Variants in PDK2 observed in about 807,000 individuals in gnomAD.
PDK2 encodes pyruvate dehydrogenase kinase, isozyme 2.
A neutral mutation model predicts 50.4 loss-of-function variants in PDK2; 34 were observed. That is an observed-to-expected ratio of 0.68 (90% CI 0.51 to 0.90). The LOEUF (loss-of-function observed/expected upper bound fraction) is 0.90. PDK2 is among the 40% of genes least tolerant of loss of function. PDK2 has a pLI of 0.00. For synonymous variants in PDK2, 232 were observed against 216.0 expected, an observed-to-expected ratio of 1.07 and a Z score of -0.65; for missense variants, 377 against 544.5, an observed-to-expected ratio of 0.69 and a Z score of 3.06.
chr17:50,109,496 C>G lies in PDK2; in HGVS notation c.1083+96C>G, dbSNP rs140605026. ...CTGCGAGCTTTCCTTTCCATCCCCC[C>G]AGTCCTTCCCTGGCCCCAGACTCTG... On this transcript the variant is annotated intron_variant, in intron 10 of 10. Coordinates refer to ENST00000503176, the MANE Select transcript of PDK2 (RefSeq NM_002611.5). This position sits in a 1 kb window ranked among gnomAD's most constrained non-coding sequence, Gnocchi z 5.0. 30 of 665,588 alleles carry G rather than the reference C, an allele frequency of 4.5e-5. No homozygotes were observed. The highest frequency in any genetic ancestry group is 3.3e-4 in the African/African-American group (18 of 54,598). 41.2% of individuals were successfully genotyped at this position (665,588 alleles called of 1,614,324 possible).
At position 50,097,580 on chromosome 17, in the gene PDK2, C is replaced by G; in HGVS notation, c.260+16C>G. 1 of 1,610,994 alleles carries G rather than the reference C, an allele frequency of 6.2e-7. No individual in the cohort carries two copies. Among genetic ancestry groups the G allele is most frequent in the Non-Finnish European group, 8.5e-7 (1 of 1,179,878 alleles). ...TGCAGAGCTGGTGAGACCCCTGGCT[C>G]AGTCCCTGCACCTCCCACTCCATCG... On this transcript the variant is annotated intron_variant, in intron 2 of 10. Transcript: ENST00000503176.
chr17:50,097,400 C>A, intron 1 of PDK2, 23 bp from the exon 2 acceptor site: 1 of 1,612,096 alleles, frequency 6.2e-7, no homozygotes. Context: ...GGCTCTGTGG[C>A]TCACCCCTCT....
Position 50,101,655 on chromosome 17 carries a change from T to C in PDK2, c.261-3716T>C, listed in dbSNP as rs1244104145. Among the ~76,000 whole-genome samples the C allele has an allele frequency of 6.6e-6, 1 of 152,114 alleles. No homozygotes were observed. The highest frequency in any genetic ancestry group is 2.4e-5 in the African/African-American group (1 of 41,410). ...TCCCCCGCTGGCTCAGCACCCCCTC[T>C]GCTCCCACACAGGGCTGCAGGGCCC... On this transcript the variant is annotated intron_variant, in intron 2 of 10. Transcript: ENST00000503176. The surrounding 1 kb of genome is among the most constrained non-coding windows in gnomAD (Gnocchi z 4.2).
intron 2 of PDK2, among the ~76,000 whole-genome samples, chr17:50,104,744 G>A (rs1910415317): frequency 1.3e-5 from 2 of 152,194 alleles, no homozygotes; most frequent in Admixed American, 1.3e-4. Flanking sequence ...ACAGAGCCAG[G>A]CACGCCCACC....
upstream of PDK2, chr17:50,095,272 G>A (rs1305362805): frequency 1.2e-5 from 7 of 567,786 alleles, no homozygotes; most frequent in Non-Finnish European, 2.2e-5. Flanking sequence ...TTTGTGAGTG[G>A]CCATTGGCGA....
intron 2 of PDK2, among the ~76,000 whole-genome samples, chr17:50,100,063 A>T (rs1211611003): frequency 6.6e-6 from 1 of 152,050 alleles, no homozygotes; most frequent in Non-Finnish European, 1.5e-5. Context: ...GCCTGAGAGG[A>T]GGGGGGAGAC....
At chr17:50,107,557 G>A (rs775753561) in intron 6 of PDK2, among the ~76,000 whole-genome samples, 28 of 152,154 alleles carry the variant, frequency 1.8e-4, no homozygotes, top group Non-Finnish European at 3.7e-4. Context: ...CTCCAGCCTG[G>A]GTGACAGAGC....
intron 9 of PDK2, 80 bp downstream of exon 9, chr17:50,108,799 C>T (rs1910659122): frequency 2.3e-6 from 2 of 879,718 alleles, no homozygotes. Context: ...TCCCTGCTCA[C>T]TCAGCTTCTG....
Position 50,101,353 on chromosome 17 carries a change from G to C in PDK2, c.260+3789G>C, listed in dbSNP as rs1306980301. On this transcript the variant is annotated intron_variant, in intron 2 of 10. Transcript: ENST00000503176. This position sits in a 1 kb window ranked among gnomAD's most constrained non-coding sequence, Gnocchi z 4.2. Reference sequence around the variant, plus strand: ...TTTTCTGTACACCCAGGCCCATGAGGTGCTTACTCCCATGAACCCCATTTT... The same window carrying C: ...TTTTCTGTACACCCAGGCCCATGAGCTGCTTACTCCCATGAACCCCATTTT... Among the ~76,000 whole-genome samples the C allele has an allele frequency of 6.6e-6, 1 of 152,128 alleles. No individual in the cohort carries two copies. Among genetic ancestry groups the C allele is most frequent in the Non-Finnish European group, 1.5e-5 (1 of 68,004 alleles).
In PDK2 at chr17:50,101,198, C is replaced by A. The variant is rs536624657; in HGVS notation, c.260+3634C>A. The A allele has an allele frequency of 6.6e-6, 1 of 152,252 alleles. No individual in the cohort carries two copies. The highest frequency in any genetic ancestry group is 2.4e-5 in the African/African-American group (1 of 41,532). The allele number at this position is 152,252 out of a possible 1,614,324, so 9.4% of individuals were successfully genotyped here. A position where few individuals can be genotyped will look rare whatever the true frequency, so the allele number is the denominator to read the frequency against. On this transcript the variant is annotated intron_variant, in intron 2 of 10. Coordinates refer to ENST00000503176, the MANE Select transcript of PDK2 (RefSeq NM_002611.5). The surrounding 1 kb of genome is among the most constrained non-coding windows in gnomAD (Gnocchi z 4.2). Reference sequence around the variant, plus strand: ...TTGCCCGTCAGCAAGGTGTGTGGACCCCATACAGGGGGTGTGGCTTGGGTG... The same window carrying A: ...TTGCCCGTCAGCAAGGTGTGTGGACACCATACAGGGGGTGTGGCTTGGGTG...
At position 50,095,428 on chromosome 17, in the gene PDK2, C is replaced by T. The variant is rs764809172; in HGVS notation, c.-8C>T. ...GGGACCACAACCAAAGTCGCGGCCG[C>T]CGCAGCCATGCGCTGGGTGTGGGCG... On this transcript the variant is annotated 5_prime_UTR_variant, in exon 1 of 11. Transcript: ENST00000503176. The T allele has an allele frequency of 1.4e-5, 22 of 1,592,588 alleles. No individual in the cohort carries two copies. Among genetic ancestry groups the T allele is most frequent in the Admixed American group, 3.5e-5 (2 of 57,320 alleles).
rs1053633737 is a variant in PDK2, at chr17:50,112,071, C to T, written c.*1974C>T. 4 of 152,256 alleles carry T rather than the reference C, an allele frequency of 2.6e-5. No individual in the cohort carries two copies. Among genetic ancestry groups the T allele is most frequent in the African/African-American group, 9.7e-5 (4 of 41,426 alleles). 9.4% of individuals were successfully genotyped at this position (152,256 alleles called of 1,614,324 possible). A position where few individuals can be genotyped will look rare whatever the true frequency, so the allele number is the denominator to read the frequency against. ...TCCCTATCAGTTCCTGTTTGCTCAGCTCCCAAAGAGGACTTAGGTGCCCTC... is the reference window on the plus strand; with the variant it reads ...TCCCTATCAGTTCCTGTTTGCTCAGTTCCCAAAGAGGACTTAGGTGCCCTC... On this transcript the variant is annotated 3_prime_UTR_variant, in exon 11 of 11. Coordinates refer to ENST00000503176, the MANE Select transcript of PDK2 (RefSeq NM_002611.5).
intron 2 of PDK2, among the ~76,000 whole-genome samples, chr17:50,097,989 C>T (rs1910035718): frequency 2.6e-5 from 4 of 152,188 alleles, no homozygotes. Flanking sequence ...ATAACCCAAG[C>T]TGCAAGACAG....
At position 50,109,890 on chromosome 17, in the gene PDK2, G is replaced by T; in HGVS notation, c.1084-67G>T. The T allele has an allele frequency of 2.1e-6, 3 of 1,407,756 alleles. No homozygotes were observed. The highest frequency in any genetic ancestry group is 2.8e-6 in the Non-Finnish European group (3 of 1,065,998). 87.2% of individuals were successfully genotyped at this position (1,407,756 alleles called of 1,614,324 possible). On this transcript the variant is annotated intron_variant, in intron 10 of 10. Coordinates refer to ENST00000503176, the MANE Select transcript of PDK2 (RefSeq NM_002611.5). This position sits in a 1 kb window ranked among gnomAD's most constrained non-coding sequence, Gnocchi z 5.0. ...AGCTGGGCTGCCGCTGAGCTGGGGT[G>T]GGGTGGTCTGCTGAGGAGTGGACAA...
intron 2 of PDK2, among the ~76,000 whole-genome samples, chr17:50,099,917 C>T (rs986849932): frequency 2.0e-5 from 3 of 152,234 alleles, no homozygotes; most frequent in African/African-American, 7.2e-5. Flanking sequence ...TTGGCTACAG[C>T]AAGAGAGACT....
At chr17:50,095,675 A>G in intron 1 of PDK2, 122 bp downstream of exon 1, 1 of 1,461,892 alleles carries the variant, frequency 6.8e-7, no homozygotes, top group Non-Finnish European at 9.1e-7. Context: ...TTGTTTGGAA[A>G]GGTACAGGCA....
chr17:50,106,089 G>A lies in PDK2; in HGVS notation c.517+20G>A. ...AGCACAGTGGGTGCCGGCCACAGCG[G>A]CGGGGAGCGGGCGGTGGGGGGGGCG... On this transcript the variant is annotated intron_variant, in intron 4 of 10. Transcript: ENST00000503176. 6.3e-7 allele frequency: 1 copy of A among 1,577,578 alleles called. No individual in the cohort carries two copies. Among genetic ancestry groups the A allele is most frequent in the South Asian group, 1.2e-5 (1 of 86,798 alleles).
intron 1 of PDK2, chr17:50,096,318 G>C: frequency 2.0e-6 from 2 of 985,238 alleles, no homozygotes; most frequent in Non-Finnish European, 2.4e-6. Context: ...CAACCTGGGG[G>C]TGGCCCTGGG....
chr17:50,102,979 C>G (rs557180517), intron 2 of PDK2, among the ~76,000 whole-genome samples: 152 of 152,362 alleles, frequency 1.0e-3, no homozygotes, highest in Non-Finnish European at 1.2e-3. Flanking sequence ...TATCACTAAC[C>G]TCTCAGTGCT....
Sources: gnomAD v4.1 joint callset for allele counts (sites outside exome capture counted in the v4.1 genomes callset) on GRCh38, gnomAD v4.1.1 for gene constraint, Gnocchi (gnomAD v3.1) non-coding constraint, MANE v1.5 for transcripts, NCBI Gene and HGNC (gene_info 2026-07-23, HGNC 2026-07-21) for gene names.